PLCL2: variants seen among roughly 807,000 people sequenced by gnomAD.
PLCL2 encodes the protein inactive phospholipase C-like protein 2.
In PLCL2, 4 loss-of-function variants were observed where a neutral mutation model predicts 79.6. The ratio of observed to expected loss-of-function variants is 0.05; its 90% confidence interval spans 0.02 to 0.11. The LOEUF (loss-of-function observed/expected upper bound fraction) is 0.11, where lower values mean the gene tolerates loss of function less well. PLCL2 is among the 10% of genes least tolerant of loss of function. PLCL2 has a pLI of 1.00. For synonymous variants in PLCL2, 484 were observed against 457.7 expected (o/e 1.06, Z -0.73); for missense variants, 895 against 1,291.0 (o/e 0.69, Z 4.70).
intron 1 of PLCL2, among the ~76,000 whole-genome samples, chr3:16,997,202 G>T (rs746206645): frequency 6.6e-6 from 1 of 152,160 alleles, no homozygotes; most frequent in Non-Finnish European, 1.5e-5. Context: ...ATCAAAATTG[G>T]TCCGGCCAGA....
At chr3:16,907,459 G>C in intron 1 of PLCL2, among the ~76,000 whole-genome samples, 1 of 152,140 alleles carries the variant, frequency 6.6e-6, no homozygotes, top group East Asian at 1.9e-4. Context: ...TTATTAGTCA[G>C]ATGCTTGGAG....
At chr3:17,021,567 T>C (rs879808628) in intron 3 of PLCL2, among the ~76,000 whole-genome samples, 1 of 148,530 alleles carries the variant, frequency 6.7e-6, no homozygotes, top group Admixed American at 6.8e-5. Context: ...CAGAAACCAC[T>C]GAGGAACACA....
At chr3:17,056,510 A>G (rs1245768779) in intron 4 of PLCL2, among the ~76,000 whole-genome samples, 1 of 152,196 alleles carries the variant, frequency 6.6e-6, no homozygotes, top group East Asian at 1.9e-4. Flanking sequence ...ATGCATTCTA[A>G]GAATGTTTTA....
intron 1 of PLCL2, among the ~76,000 whole-genome samples, chr3:16,890,814 C>G (rs1373248328): frequency 6.6e-6 from 1 of 152,202 alleles, no homozygotes; most frequent in African/African-American, 2.4e-5. Context: ...GTGACTCAAA[C>G]TGAAGTCAGA....
intron 1 of PLCL2, among the ~76,000 whole-genome samples, chr3:16,962,139 T>G (rs945450849): frequency 6.6e-6 from 1 of 152,178 alleles, no homozygotes; most frequent in Non-Finnish European, 1.5e-5. Flanking sequence ...CATTTTCCTC[T>G]TATGGCAGTA....
chr3:16,955,543 A>C (rs1332487283), intron 1 of PLCL2, among the ~76,000 whole-genome samples: 4 of 152,246 alleles, frequency 2.6e-5, no homozygotes, highest in Middle Eastern at 6.8e-3. Flanking sequence ...ACTTTAAAGT[A>C]GTTTTTTCCA....
At chr3:16,896,885 C>T (rs1037772801) in intron 1 of PLCL2, among the ~76,000 whole-genome samples, 2 of 152,162 alleles carry the variant, frequency 1.3e-5, no homozygotes, top group African/African-American at 2.4e-5. Context: ...AATGTGAAGA[C>T]CCCACCTGGC....
At chr3:16,905,040 A>T (rs980698524) in intron 1 of PLCL2, among the ~76,000 whole-genome samples, 1 of 152,142 alleles carries the variant, frequency 6.6e-6, no homozygotes, top group Non-Finnish European at 1.5e-5. Flanking sequence ...CAGCTCTGGC[A>T]GTCTTTTTGC....
chr3:16,891,785 C>T (rs1427038210), intron 1 of PLCL2, among the ~76,000 whole-genome samples: 1 of 152,220 alleles, frequency 6.6e-6, no homozygotes, highest in African/African-American at 2.4e-5. Flanking sequence ...AACTGCCTTA[C>T]AACCTATGCT....
intron 1 of PLCL2, among the ~76,000 whole-genome samples, chr3:16,992,005 C>G (rs1559510691): frequency 6.6e-6 from 1 of 152,170 alleles, no homozygotes; most frequent in Non-Finnish European, 1.5e-5. Flanking sequence ...AGACTCAACT[C>G]AGCAGCCCTG....
At chr3:16,918,511 A>G (rs1218246142) in intron 1 of PLCL2, among the ~76,000 whole-genome samples, 1 of 152,166 alleles carries the variant, frequency 6.6e-6, no homozygotes, top group Non-Finnish European at 1.5e-5. Flanking sequence ...TCTTTATGCA[A>G]TGTATGGAAA....
intron 1 of PLCL2, among the ~76,000 whole-genome samples, chr3:16,994,259 A>G (rs1469463094): frequency 2.0e-5 from 3 of 152,232 alleles, no homozygotes; most frequent in Non-Finnish European, 2.9e-5. Flanking sequence ...GTCCAAATTC[A>G]CATTACTCTA....
At chr3:17,008,729 A>G (rs1245702041) in intron 1 of PLCL2, among the ~76,000 whole-genome samples, 1 of 152,166 alleles carries the variant, frequency 6.6e-6, no homozygotes, top group East Asian at 1.9e-4. Context: ...CCTGGGCTTC[A>G]CTTAGCTCCT....
chr3:16,994,559 A>T (rs1402783987), intron 1 of PLCL2, among the ~76,000 whole-genome samples: 1 of 152,206 alleles, frequency 6.6e-6, no homozygotes, highest in Non-Finnish European at 1.5e-5. Flanking sequence ...TGGAATTTTT[A>T]AATTACTCAT....
chr3:16,936,711 A>G (rs887035723), intron 1 of PLCL2, among the ~76,000 whole-genome samples: 3 of 152,326 alleles, frequency 2.0e-5, no homozygotes, highest in East Asian at 3.8e-4. Flanking sequence ...AAAATAATAT[A>G]TAACTTTGTC....
intron 5 of PLCL2, among the ~76,000 whole-genome samples, chr3:17,080,014 T>A (rs1222594689): frequency 6.6e-6 from 1 of 152,128 alleles, no homozygotes; most frequent in East Asian, 1.9e-4. Flanking sequence ...ACAGAACCCT[T>A]CATCCCCCTC....
chr3:16,923,707 C>T (rs1211355455), intron 1 of PLCL2, among the ~76,000 whole-genome samples: 1 of 152,156 alleles, frequency 6.6e-6, no homozygotes, highest in Admixed American at 6.5e-5. Context: ...AATATTCTTT[C>T]TGTGCCTTCC....
At chr3:16,909,802 A>G (rs1177976712) in intron 1 of PLCL2, among the ~76,000 whole-genome samples, 2 of 152,168 alleles carry the variant, frequency 1.3e-5, no homozygotes, top group African/African-American at 4.8e-5. Flanking sequence ...ATCTTTTTTG[A>G]ATAATTCAGA....
At chr3:17,042,689 A>G (rs1461297400) in intron 3 of PLCL2, 185 bp from the exon 4 acceptor site, 5 of 552,994 alleles carry the variant, frequency 9.0e-6, no homozygotes, top group African/African-American at 5.7e-5. Flanking sequence ...TGTTTTAACC[A>G]TTATGTGGGG....
Sources: allele counts gnomAD v4.1 joint callset (sites outside exome capture counted in the v4.1 genomes callset), GRCh38; gene constraint gnomAD v4.1.1; transcripts MANE v1.5; gene names NCBI Gene and HGNC (gene_info 2026-07-23, HGNC 2026-07-21).